CFAP77: variants seen among roughly 807,000 people sequenced by gnomAD.
CFAP77 encodes the protein cilia- and flagella-associated protein 77.
Under a neutral mutation model 31.1 loss-of-function variants are expected in CFAP77, and 25 were observed. The observed-to-expected ratio is 0.80, with a 90% CI of 0.59 to 1.12. The LOEUF (loss-of-function observed/expected upper bound fraction) is 1.12. CFAP77 is among the 50% of genes most tolerant of loss of function. The probability of loss-of-function intolerance (pLI) is 0.00; values close to 1 mark genes in which losing one functional copy is unlikely to be tolerated. For missense variants in CFAP77, 377 were observed against 397.3 expected, an observed-to-expected ratio of 0.95 and a Z score of 0.44; for synonymous variants, 151 against 159.9, an observed-to-expected ratio of 0.94 and a Z score of 0.42.
At chr9:132,438,519 G>GTATATATATATATATATATA (rs34631762) in intron 1 of CFAP77, among the ~76,000 whole-genome samples, 1 of 116,706 alleles carries the variant, frequency 8.6e-6, no homozygotes. Context: ...AACAGATATG[G>GTATATATATATATATATATA]TATATATATA....
intron 1 of CFAP77, among the ~76,000 whole-genome samples, chr9:132,467,283 G>C (rs72765892): frequency 0.084 from 12,820 of 152,188 alleles, 534 homozygotes; most frequent in Middle Eastern, 0.11. Context: ...TTTGTGTAAT[G>C]GATCTCTAAA....
intron 5 of CFAP77, among the ~76,000 whole-genome samples, chr9:132,548,192 G>A (rs891779399): frequency 1.0e-4 from 15 of 144,634 alleles, no homozygotes; most frequent in African/African-American, 2.0e-4. Context: ...AGAAGCACCC[G>A]AGCATCTCTG....
intron 1 of CFAP77, among the ~76,000 whole-genome samples, chr9:132,439,645 G>C (rs1850579724): frequency 6.6e-6 from 1 of 152,020 alleles, no homozygotes; most frequent in African/African-American, 2.4e-5. Flanking sequence ...AGGAGATCGA[G>C]ACCATCCTGG....
intron 1 of CFAP77, among the ~76,000 whole-genome samples, chr9:132,420,918 T>C (rs1850204235): frequency 1.3e-5 from 2 of 151,252 alleles, no homozygotes; most frequent in African/African-American, 4.9e-5. Context: ...ATGGGATCCA[T>C]GCCCAGCACT....
chr9:132,507,145 TAAACTC>T (rs1851944201), intron 3 of CFAP77, among the ~76,000 whole-genome samples: 1 of 152,246 alleles, frequency 6.6e-6, no homozygotes, highest in Non-Finnish European at 1.5e-5. Context: ...CACTTCCTGA[TAAACTC>T]AAACTTCTTG....
chr9:132,450,661 C>T (rs574184243), intron 1 of CFAP77, among the ~76,000 whole-genome samples: 8 of 152,174 alleles, frequency 5.3e-5, no homozygotes, highest in Non-Finnish European at 1.2e-4. Flanking sequence ...AGCTTAACCA[C>T]GGCACCACAC....
intron 4 of CFAP77, among the ~76,000 whole-genome samples, chr9:132,541,122 G>A (rs1457733718): frequency 6.6e-6 from 1 of 152,146 alleles, no homozygotes; most frequent in Non-Finnish European, 1.5e-5. Flanking sequence ...CACCACCACA[G>A]ACCTCAGTGT....
chr9:132,483,687 G>A (rs1282395291), intron 1 of CFAP77, among the ~76,000 whole-genome samples: 1 of 152,136 alleles, frequency 6.6e-6, no homozygotes, highest in East Asian at 1.9e-4. Flanking sequence ...AGACTCAGAT[G>A]GAAACGGCCT....
chr9:132,412,682 C>T (rs1430346116), intron 1 of CFAP77, among the ~76,000 whole-genome samples: 4 of 151,428 alleles, frequency 2.6e-5, no homozygotes, highest in Non-Finnish European at 4.4e-5. Context: ...TTTGCAGCTT[C>T]GTTTGCTAAC....
In CFAP77 at chr9:132,486,018, A is replaced by ATATATATATATGTATG. The variant is rs1564222961; in HGVS notation, c.196-12666_196-12665insGTATGTATATATATAT. Among the ~76,000 whole-genome samples, 125 of 37,520 alleles carry ATATATATATATGTATG rather than the reference A, an allele frequency of 3.3e-3. 2 individuals are homozygous for ATATATATATATGTATG. The highest frequency in any genetic ancestry group is 4.7e-3 in the Non-Finnish European group (112 of 23,990). The allele number at this position is 37,520 out of a possible 152,430, so 24.6% of individuals were successfully genotyped here. A position where few individuals can be genotyped will look rare whatever the true frequency, so the allele number is the denominator to read the frequency against. ...TATATATATATATATATATATATAT[A>ATATATATATATGTATG]TATATATATATATATATATATATGT... On this transcript the variant is annotated intron_variant, in intron 1 of 5. Transcript: ENST00000393216.
chr9:132,443,178 T>C (rs1850644739), intron 1 of CFAP77, among the ~76,000 whole-genome samples: 1 of 152,302 alleles, frequency 6.6e-6, no homozygotes, highest in East Asian at 1.9e-4. Flanking sequence ...TGTATAGATA[T>C]GCTGCAATTT....
intron 3 of CFAP77, among the ~76,000 whole-genome samples, chr9:132,505,498 TG>T (rs546495956): frequency 6.7e-6 from 1 of 150,044 alleles, no homozygotes; most frequent in South Asian, 2.1e-4. Context: ...TGTGTAGACA[TG>T]GGGGCAGACT....
chr9:132,462,355 C>T (rs910189328), intron 1 of CFAP77, among the ~76,000 whole-genome samples: 4 of 152,160 alleles, frequency 2.6e-5, no homozygotes, highest in African/African-American at 9.7e-5. Flanking sequence ...TGCTGCTTCA[C>T]TCATTTATCT....
chr9:132,456,226 T>C (rs112434631), intron 1 of CFAP77, among the ~76,000 whole-genome samples: 8,542 of 152,140 alleles, frequency 0.056, 785 homozygotes, highest in African/African-American at 0.19. Flanking sequence ...AGTGGCTGGG[T>C]GGGGAAGGCA....
In CFAP77 at chr9:132,564,386, G is replaced by A. The variant is rs760155324; in HGVS notation, c.733-8002G>A. Among the ~76,000 whole-genome samples the A allele has an allele frequency of 2.6e-5, 4 of 152,180 alleles. No homozygotes were observed. Among genetic ancestry groups the A allele is most frequent in the South Asian group, 2.1e-4 (1 of 4,834 alleles). On this transcript the variant is annotated intron_variant, in intron 5 of 5. Transcript: ENST00000393216. The surrounding 1 kb of genome is among the most constrained non-coding windows in gnomAD (Gnocchi z 4.6). Reference sequence around the variant, plus strand: ...ATAAATACCAAAAGGTCTGACTTGTGAGGATTACTTCAGCACCAAAGAAAT... The same window carrying A: ...ATAAATACCAAAAGGTCTGACTTGTAAGGATTACTTCAGCACCAAAGAAAT...
chr9:132,548,446 C>G (rs1014547042), intron 5 of CFAP77, among the ~76,000 whole-genome samples: 1 of 152,066 alleles, frequency 6.6e-6, no homozygotes, highest in Non-Finnish European at 1.5e-5. Context: ...TCCCAGTGTT[C>G]GACCTCCAGC....
intron 5 of CFAP77, among the ~76,000 whole-genome samples, chr9:132,569,188 G>A (rs1310838870): frequency 6.6e-6 from 1 of 152,182 alleles, no homozygotes; most frequent in Non-Finnish European, 1.5e-5. Flanking sequence ...AGGATCACTT[G>A]AGGCTAGGGG....
chr9:132,507,155 C>A (rs1851944659), intron 3 of CFAP77, among the ~76,000 whole-genome samples: 1 of 152,228 alleles, frequency 6.6e-6, no homozygotes, highest in South Asian at 2.1e-4. Flanking sequence ...TAAACTCAAA[C>A]TTCTTGTCAG....
intron 1 of CFAP77, among the ~76,000 whole-genome samples, chr9:132,410,783 GT>G (rs1209481603): frequency 6.6e-6 from 1 of 152,242 alleles, no homozygotes; most frequent in African/African-American, 2.4e-5. Flanking sequence ...TGCTGCTGTG[GT>G]TTCCCACAGA....
Sources: allele counts gnomAD v4.1 joint callset (sites outside exome capture counted in the v4.1 genomes callset), GRCh38; gene constraint gnomAD v4.1.1; non-coding constraint Gnocchi (gnomAD v3.1); transcripts MANE v1.5; gene names NCBI Gene and HGNC (gene_info 2026-07-23, HGNC 2026-07-21).